ZGRF1: variants seen among roughly 807,000 people sequenced by gnomAD.
ZGRF1 encodes zinc finger GRF-type containing 1.
A neutral mutation model predicts 203.5 loss-of-function variants in ZGRF1; 196 were observed. That is an observed-to-expected ratio of 0.96 (90% CI 0.86 to 1.08). The LOEUF is 1.08. Among genes scored for constraint, ZGRF1 ranks in the 50% least tolerant of loss-of-function variants. The probability of loss-of-function intolerance (pLI) is 0.00; values close to 1 mark genes in which losing one functional copy is unlikely to be tolerated. For missense variants in ZGRF1, 2,326 were observed against 2,416.3 expected (o/e 0.96, Z 0.78); for synonymous variants, 809 against 841.3 (o/e 0.96, Z 0.66).
intron 16 of ZGRF1, among the ~76,000 whole-genome samples, chr4:112,575,284 A>C (rs1387544016): frequency 1.3e-5 from 2 of 152,174 alleles, no homozygotes; most frequent in South Asian, 2.1e-4. Context: ...AAAAGGCCTA[A>C]CATTTGGGGG....
intron 9 of ZGRF1, among the ~76,000 whole-genome samples, chr4:112,604,337 T>C (rs1456621117): frequency 6.6e-6 from 1 of 152,098 alleles, no homozygotes; most frequent in African/African-American, 2.4e-5. Flanking sequence ...ACCAGAAATA[T>C]TTAGTTGCTT....
intron 16 of ZGRF1, among the ~76,000 whole-genome samples, chr4:112,577,887 C>A (rs1254924332): frequency 8.2e-6 from 1 of 121,778 alleles, no homozygotes; most frequent in Non-Finnish European, 1.8e-5. Context: ...AGAAAGTTAA[C>A]AAGGATATCC....
In ZGRF1 at chr4:112,548,294, A is replaced by G. The variant is rs1354232846; in HGVS notation, c.5433T>C (p.Cys1811=). The change falls in exon 23 of 28, where the codon TGT becomes TGC. Residue 1811 remains cysteine (C), a synonymous_variant. Coordinates refer to ENST00000505019, the MANE Select transcript of ZGRF1 (RefSeq NM_018392.5). Reference sequence around the variant, plus strand: ...GAGAGGCCGGTTCAGTTATCTGACTACACTCATCCAGCACAACTACAGGAA... The same window carrying G: ...GAGAGGCCGGTTCAGTTATCTGACTGCACTCATCCAGCACAACTACAGGAA... The part of the protein sequence containing the change: ...LKFPVVVLDE[C]SQITEPASLL... 1.3e-6 allele frequency: 2 copies of G among 1,552,420 alleles called. No individual in the cohort carries two copies. The highest frequency in any genetic ancestry group is 1.7e-6 in the Non-Finnish European group (2 of 1,147,154).
intron 10 of ZGRF1, among the ~76,000 whole-genome samples, chr4:112,598,066 T>C (rs1048863580): frequency 7.0e-6 from 1 of 143,260 alleles, no homozygotes; most frequent in Admixed American, 7.5e-5. Flanking sequence ...TTCAAAGATG[T>C]ACTCCAGCAT....
chr4:112,581,199 G>A lies in ZGRF1; in HGVS notation c.4438+464C>T, dbSNP rs1378154403. ...AAGGACAAAAAACCAAACACCGCAT[G>A]TTCTCACTCATAGGTGGGAACTGAA... On this transcript the variant is annotated intron_variant, in intron 16 of 27. Transcript: ENST00000505019. Among the ~76,000 whole-genome samples the A allele has an allele frequency of 2.7e-5, 4 of 146,886 alleles. No individual in the cohort carries two copies. In the East Asian group the frequency reaches 6.0e-4, roughly 22 times the overall value.
chr4:112,588,540 C>G (rs1191356533), intron 11 of ZGRF1, among the ~76,000 whole-genome samples: 3 of 152,104 alleles, frequency 2.0e-5, no homozygotes, highest in East Asian at 1.9e-4. Context: ...AAACTCATGG[C>G]AAATTCTGTC....
chr4:112,553,778 A>C (rs1013652102), intron 22 of ZGRF1, 57 bp downstream of exon 22: 4 of 1,427,846 alleles, frequency 2.8e-6, no homozygotes, highest in Non-Finnish European at 3.8e-6. Context: ...AACAGAAATA[A>C]GAGAATCTGA....
Position 112,580,068 on chromosome 4 carries a change from C to T in ZGRF1, c.4438+1595G>A, listed in dbSNP as rs2148986409. Among the ~76,000 whole-genome samples the T allele has an allele frequency of 1.6e-5, 2 of 122,436 alleles. 1 individual carries two copies. Among genetic ancestry groups the T allele is most frequent in the African/African-American group, 5.7e-5 (2 of 35,380 alleles). 80.3% of individuals were successfully genotyped at this position (122,436 alleles called of 152,430 possible). A position where few individuals can be genotyped will look rare whatever the true frequency, so the allele number is the denominator to read the frequency against. On this transcript the variant is annotated intron_variant, in intron 16 of 27. Coordinates refer to ENST00000505019, the MANE Select transcript of ZGRF1 (RefSeq NM_018392.5). ...TAACCAAAACAGCATGGTACTGGTACCAAAACAGAGATATAGACCAATGGA... is the reference window on the plus strand; with the variant it reads ...TAACCAAAACAGCATGGTACTGGTATCAAAACAGAGATATAGACCAATGGA...
At chr4:112,595,589 T>A (rs1748871401) in intron 10 of ZGRF1, among the ~76,000 whole-genome samples, 1 of 152,152 alleles carries the variant, frequency 6.6e-6, no homozygotes, top group Non-Finnish European at 1.5e-5. Flanking sequence ...TATGTGTGTG[T>A]GTGTGTGTAT....
chr4:112,589,947 G>A (rs999757080), intron 10 of ZGRF1, 73 bp from the exon 11 acceptor site: 10 of 1,068,354 alleles, frequency 9.4e-6, no homozygotes, highest in Admixed American at 5.5e-5. Context: ...ATGAATTCTA[G>A]TAATCTATAT....
intron 16 of ZGRF1, among the ~76,000 whole-genome samples, chr4:112,572,352 T>A (rs1042916430): frequency 6.6e-6 from 1 of 152,158 alleles, no homozygotes; most frequent in Non-Finnish European, 1.5e-5. Context: ...AAGCCACATG[T>A]GGAGGAATGA....
At chr4:112,614,923 C>G (rs183882929) in intron 6 of ZGRF1, among the ~76,000 whole-genome samples, 2 of 151,862 alleles carry the variant, frequency 1.3e-5, no homozygotes, top group East Asian at 3.9e-4. Flanking sequence ...ATGTTAGGTA[C>G]ATTTTTTATA....
At position 112,540,776 on chromosome 4, in the gene ZGRF1, TG is replaced by T. The variant is rs1385658990; in HGVS notation, c.5910+44del. 14 of 1,449,584 alleles carry T rather than the reference TG, an allele frequency of 9.7e-6. No individual in the cohort carries two copies. In the Admixed American group the frequency reaches 2.9e-4, roughly 30 times the overall value. 89.8% of individuals were successfully genotyped at this position (1,449,584 alleles called of 1,614,324 possible). ...AATATCAAATATGGTAATATGTAATTGTAATATTTAATATATGGCAAATACT... is the reference window on the plus strand; with the variant it reads ...AATATCAAATATGGTAATATGTAATTTAATATTTAATATATGGCAAATACT... On this transcript the variant is annotated intron_variant, in intron 26 of 27. Coordinates refer to ENST00000505019, the MANE Select transcript of ZGRF1 (RefSeq NM_018392.5).
At chr4:112,569,995 C>T (rs1351372389) in intron 16 of ZGRF1, among the ~76,000 whole-genome samples, 9 of 151,950 alleles carry the variant, frequency 5.9e-5, no homozygotes, top group Non-Finnish European at 7.4e-5. Context: ...TAATTTAAAA[C>T]ATATATGTAC....
chr4:112,568,479 G>A (rs1045229677), intron 16 of ZGRF1, among the ~76,000 whole-genome samples: 2 of 151,946 alleles, frequency 1.3e-5, no homozygotes, highest in Admixed American at 6.6e-5. Flanking sequence ...GGGAGGCCGC[G>A]GTGGGTGGAT....
chr4:112,539,660 G>T lies in ZGRF1; in HGVS notation c.6202C>A (p.Gln2068Lys). The part of the protein sequence containing the change: ...GREDGLQHAN[Q>K]YEPQLNHLLK... The stretch of plus-strand genomic sequence containing the variant: ...AGATGGTTCAGCTGTGGTTCATACT[G>T]GTTTGCATGTTGCAATCCATCTTCC... Residue 2068 changes from glutamine to lysine, a missense_variant, in exon 28 of 28, where the codon CAG (glutamine) becomes AAG (lysine). Gln to Lys is a moderately conservative substitution (Grantham distance 53). Coordinates refer to ENST00000505019, the MANE Select transcript of ZGRF1 (RefSeq NM_018392.5). The T allele has an allele frequency of 6.2e-7, 1 of 1,603,836 alleles. No homozygotes were observed. The highest frequency in any genetic ancestry group is 8.5e-7 in the Non-Finnish European group (1 of 1,176,324).
intron 7 of ZGRF1, among the ~76,000 whole-genome samples, 188 bp from the exon 8 acceptor site, chr4:112,609,617 C>T (rs1751283116): frequency 6.6e-6 from 1 of 151,268 alleles, no homozygotes; most frequent in Admixed American, 6.6e-5. Context: ...ACCACCCTGG[C>T]CAACATGGTG....
chr4:112,615,516 A>C (rs2046836330), intron 6 of ZGRF1, among the ~76,000 whole-genome samples: 1 of 147,996 alleles, frequency 6.8e-6, no homozygotes, highest in Non-Finnish European at 1.5e-5. Flanking sequence ...GAGCCACCAC[A>C]CCTGGCCTTC....
chr4:112,557,643 A>G (rs866178646), intron 20 of ZGRF1, among the ~76,000 whole-genome samples: 3 of 152,232 alleles, frequency 2.0e-5, no homozygotes. Flanking sequence ...ATGCCTGCAC[A>G]TGCCGTGGGT....
Sources: allele counts gnomAD v4.1 joint callset (sites outside exome capture counted in the v4.1 genomes callset), GRCh38; gene constraint gnomAD v4.1.1; transcripts MANE v1.5; gene names NCBI Gene and HGNC (gene_info 2026-07-23, HGNC 2026-07-21).